Variants in ALDH2 observed in about 807,000 individuals in gnomAD.
The protein encoded by ALDH2 is aldehyde dehydrogenase 2 family member, also known as aldehyde dehydrogenase, mitochondrial.
In ALDH2, 44 loss-of-function variants were observed where a neutral mutation model predicts 59.6. That is an observed-to-expected ratio of 0.74 (90% CI 0.58 to 0.95). The LOEUF (loss-of-function observed/expected upper bound fraction) is 0.95, where lower values mean the gene tolerates loss of function less well. Among genes scored for constraint, ALDH2 ranks in the 40% least tolerant of loss-of-function variants. ALDH2 has a pLI of 0.00. For missense variants in ALDH2, 570 were observed against 696.3 expected (o/e 0.82, Z 2.04); for synonymous variants, 291 against 284.0 (o/e 1.02, Z -0.25).
intron 8 of ALDH2, 58 bp from the exon 9 acceptor site, chr12:111,792,540 C>T: frequency 1.3e-6 from 2 of 1,557,842 alleles, no homozygotes; most frequent in Admixed American, 3.6e-5. Flanking sequence ...AGGCGGCCAC[C>T]AGGGCCAGGG....
chr12:111,769,250 G>C (rs796623829), intron 1 of ALDH2, among the ~76,000 whole-genome samples: 15 of 152,082 alleles, frequency 9.9e-5, no homozygotes, highest in African/African-American at 3.6e-4. Flanking sequence ...GCAGAGGACT[G>C]ACTTACAACT....
rs1338473626 is a variant in ALDH2 at position 111,799,993 on chromosome 12, G to T, written c.1336G>T (p.Ala446Ser). ...CAACAATTCCACGTACGGGCTGGCC[G>T]CAGCTGTCTTCACAAAGGATTTGGA... Reference protein sequence around the residue: ...RANNSTYGLAAAVFTKDLDKA... With the variant: ...RANNSTYGLASAVFTKDLDKA... Residue 446 changes from alanine (A) to serine (S), a missense_variant, in exon 11 of 13, where the codon GCA (alanine) becomes TCA (serine). By Grantham distance (99) the Ala-to-Ser change is moderately conservative. Transcript: ENST00000261733. 6.2e-7 allele frequency: 1 copy of T among 1,613,854 alleles called. No homozygotes were observed. The highest frequency in any genetic ancestry group is 8.5e-7 in the Non-Finnish European group (1 of 1,179,952).
intron 12 of ALDH2, among the ~76,000 whole-genome samples, chr12:111,804,612 T>G (rs2068479187): frequency 6.6e-6 from 1 of 152,016 alleles, no homozygotes; most frequent in African/African-American, 2.4e-5. Flanking sequence ...CCAGGTGTGG[T>G]GGCGTGCGCC....
chr12:111,771,928 G>A lies in ALDH2; in HGVS notation c.114+4832G>A, dbSNP rs141937558. Among the ~76,000 whole-genome samples, 98 of 152,154 alleles carry A rather than the reference G, an allele frequency of 6.4e-4. 2 individuals are homozygous for A. The Middle Eastern group carries it at 0.031, about 48-fold the overall frequency. ...AGCCTGACCAACATGGTGAAACCCTGACTCTGCTAAAAATACAAAAATTAG... is the reference window on the plus strand; with the variant it reads ...AGCCTGACCAACATGGTGAAACCCTAACTCTGCTAAAAATACAAAAATTAG... On this transcript the variant is annotated intron_variant, in intron 1 of 12. Transcript: ENST00000261733.
chr12:111,790,079 G>C, intron 5 of ALDH2, 145 bp downstream of exon 5: 1 of 723,408 alleles, frequency 1.4e-6, no homozygotes, highest in Non-Finnish European at 2.3e-6. Context: ...AATCCGGTTT[G>C]AGTCTCAGCA....
intron 1 of ALDH2, among the ~76,000 whole-genome samples, chr12:111,769,579 T>A (rs1425062458): frequency 1.3e-5 from 2 of 152,024 alleles, no homozygotes; most frequent in African/African-American, 4.8e-5. Context: ...AGACTTTTTT[T>A]TTTTTTTAAC....
At chr12:111,782,783 C>T (rs913652808) in intron 2 of ALDH2, among the ~76,000 whole-genome samples, 4 of 151,686 alleles carry the variant, frequency 2.6e-5, no homozygotes, top group African/African-American at 9.7e-5. Context: ...ACTCAAGAGG[C>T]TGAGGTAGGA....
intron 10 of ALDH2, 164 bp from the exon 11 acceptor site, chr12:111,799,742 C>T: frequency 1.2e-6 from 1 of 808,538 alleles, no homozygotes. Context: ...GCTCCATTCC[C>T]TCTGTGTTCT....
chr12:111,788,605 G>T (rs1221387713), intron 4 of ALDH2, among the ~76,000 whole-genome samples: 1 of 152,220 alleles, frequency 6.6e-6, no homozygotes, highest in Non-Finnish European at 1.5e-5. Context: ...CATGTAGACT[G>T]TGTTTGTATA....
At chr12:111,777,558 G>C (rs1387827175) in intron 1 of ALDH2, among the ~76,000 whole-genome samples, 1 of 152,160 alleles carries the variant, frequency 6.6e-6, no homozygotes. Flanking sequence ...GGGGGAAGGA[G>C]AGAAGGATGC....
intron 11 of ALDH2, among the ~76,000 whole-genome samples, chr12:111,801,713 C>G (rs982678127): frequency 1.3e-5 from 2 of 151,336 alleles, no homozygotes; most frequent in African/African-American, 4.8e-5. Context: ...AAAAAAGAAC[C>G]CAGGCACAAA....
intron 6 of ALDH2, 25 bp from the exon 7 acceptor site, chr12:111,791,281 A>T (rs756375309): frequency 7.6e-6 from 12 of 1,576,686 alleles, no homozygotes; most frequent in Admixed American, 5.1e-5. Flanking sequence ...GTGACTCCCA[A>T]TGTCCCCTGG....
chr12:111,800,042 C>T lies in ALDH2; in HGVS notation c.1385C>T (p.Ala462Val). The T allele has an allele frequency of 1.2e-6, 2 of 1,613,074 alleles. No individual in the cohort carries two copies. The highest frequency in any genetic ancestry group is 1.1e-5 in the South Asian group (1 of 90,964). ...GACAAGGCCAATTACCTGTCCCAGG[C>T]CCTCCAGGCGGGCACTGTGTGGTAA... ...DLDKANYLSQ[A>V]LQAGTVWVNC... The change falls in exon 11 of 13, where the codon GCC becomes GTC. Residue 462 changes from alanine (A) to valine (V), a missense_variant. By Grantham distance (64) the Ala-to-Val change is moderately conservative. Transcript: ENST00000261733.
chr12:111,803,796 G>C, intron 11 of ALDH2, 63 bp from the exon 12 acceptor site: 1 of 1,185,516 alleles, frequency 8.4e-7, no homozygotes, highest in East Asian at 2.9e-5. Flanking sequence ...CAATACAGGG[G>C]GTCCTGGGAG....
chr12:111,772,156 G>T (rs559076942), intron 1 of ALDH2, among the ~76,000 whole-genome samples: 39 of 151,924 alleles, frequency 2.6e-4, no homozygotes, highest in Non-Finnish European at 5.3e-4. Flanking sequence ...GATATTAAAA[G>T]AAAAAAGAAA....
At chr12:111,787,644 C>G (rs2068320392) in intron 4 of ALDH2, among the ~76,000 whole-genome samples, 1 of 152,064 alleles carries the variant, frequency 6.6e-6, no homozygotes, top group Non-Finnish European at 1.5e-5. Context: ...TCCCATAATC[C>G]CAGCAGTTTG....
intron 1 of ALDH2, among the ~76,000 whole-genome samples, chr12:111,768,836 T>C (rs1023615033): frequency 6.6e-6 from 1 of 150,958 alleles, no homozygotes; most frequent in African/African-American, 2.4e-5. Flanking sequence ...AAAAGTAAAT[T>C]AGTCAGGTGC....
At chr12:111,801,198 T>C (rs1448029653) in intron 11 of ALDH2, among the ~76,000 whole-genome samples, 1 of 152,122 alleles carries the variant, frequency 6.6e-6, no homozygotes, top group Non-Finnish European at 1.5e-5. Context: ...CTCCCCTTTA[T>C]AAAACCATCA....
chr12:111,783,322 C>T lies in ALDH2; in HGVS notation c.360+24C>T, dbSNP rs371068716. 2.5e-6 allele frequency: 4 copies of T among 1,584,014 alleles called. No individual in the cohort carries two copies. The East Asian group carries it at 9.1e-5, about 36-fold the overall frequency. The stretch of plus-strand genomic sequence containing the variant: ...CGGTGAGTCCTCAGCCCTTCTCCCC[C>T]TCAGATCCCATGTGGTGAATAGGCT... On this transcript the variant is annotated intron_variant, in intron 3 of 12. Coordinates refer to ENST00000261733, the MANE Select transcript of ALDH2 (RefSeq NM_000690.4).
Sources: allele counts gnomAD v4.1 joint callset (sites outside exome capture counted in the v4.1 genomes callset), GRCh38; gene constraint gnomAD v4.1.1; transcripts MANE v1.5; gene names NCBI Gene and HGNC (gene_info 2026-07-23, HGNC 2026-07-21).